The following SH3GL1 variants were observed in gnomAD, a reference collection of about 807,000 sequenced individuals.
The protein encoded by SH3GL1 is endophilin-A2.
SH3GL1 carries 21 observed loss-of-function variants against 48.8 expected under a neutral mutation model. The ratio of observed to expected loss-of-function variants is 0.43; its 90% CI spans 0.30 to 0.62. The LOEUF (loss-of-function observed/expected upper bound fraction) is 0.62, where lower values mean the gene tolerates loss of function less well. SH3GL1 is among the 20% of genes least tolerant of loss of function. The pLI is 0.11. For missense variants in SH3GL1, 454 were observed against 503.0 expected (o/e 0.90, Z 0.93); for synonymous variants, 282 against 217.5 (o/e 1.30, Z -2.61).
intron 1 of SH3GL1, among the ~76,000 whole-genome samples, chr19:4,370,488 G>A (rs243254): frequency 0.33 from 50,140 of 152,072 alleles, 8,828 homozygotes; most frequent in East Asian, 0.63. Flanking sequence ...GACTGAACCT[G>A]CATCAGGGTG....
intron 2 of SH3GL1, 77 bp downstream of exon 2, chr19:4,366,849 G>C (rs1599595052): frequency 6.9e-7 from 1 of 1,457,618 alleles, no homozygotes; most frequent in Non-Finnish European, 9.6e-7. Flanking sequence ...ATCAAGGTTG[G>C]CCGCCTCCAC....
intron 1 of SH3GL1, among the ~76,000 whole-genome samples, chr19:4,378,701 G>A (rs913185601): frequency 6.6e-6 from 1 of 152,000 alleles, no homozygotes; most frequent in African/African-American, 2.4e-5. Flanking sequence ...GGCAACAAGA[G>A]TAAAACTCTC....
In SH3GL1 at chr19:4,363,928, C is replaced by T. The variant is rs2144860224; in HGVS notation, c.466-50G>A. The T allele has an allele frequency of 5.0e-6, 8 of 1,610,108 alleles. No homozygotes were observed. In the East Asian group the frequency reaches 1.8e-4, roughly 36 times the overall value. On this transcript the variant is annotated intron_variant, in intron 5 of 9. Coordinates refer to ENST00000269886, the MANE Select transcript of SH3GL1 (RefSeq NM_003025.4). Reference sequence around the variant, plus strand: ...ACACCAGTAGCGGCCAGAGGGCCGCCCCACGCATGGCTTTGACCCACTGTC... The same window carrying T: ...ACACCAGTAGCGGCCAGAGGGCCGCTCCACGCATGGCTTTGACCCACTGTC...
chr19:4,379,715 G>A (rs182638782), intron 1 of SH3GL1, among the ~76,000 whole-genome samples: 3 of 152,154 alleles, frequency 2.0e-5, no homozygotes, highest in African/African-American at 2.4e-5. Context: ...TCCTGCCTTC[G>A]AGAACGTGCC....
At chr19:4,394,101 T>C (rs1973384868) in intron 1 of SH3GL1, among the ~76,000 whole-genome samples, 1 of 143,046 alleles carries the variant, frequency 7.0e-6, no homozygotes, top group Non-Finnish European at 1.5e-5. Context: ...CATTCAAATG[T>C]TCAAACCCTC....
chr19:4,397,978 C>T (rs1973454365), intron 1 of SH3GL1, among the ~76,000 whole-genome samples: 1 of 152,110 alleles, frequency 6.6e-6, no homozygotes, highest in Non-Finnish European at 1.5e-5. Flanking sequence ...TCCCAAGTAG[C>T]TGGGACTGCA....
chr19:4,364,611 AAT>A (rs924010072), intron 4 of SH3GL1: 6 of 261,528 alleles, frequency 2.3e-5, no homozygotes, highest in Admixed American at 1.5e-4. Context: ...TTGTATTTTT[AAT>A]AGAGACGGGG....
At chr19:4,370,475 G>A (rs372160204) in intron 1 of SH3GL1, among the ~76,000 whole-genome samples, 7 of 152,188 alleles carry the variant, frequency 4.6e-5, no homozygotes, top group African/African-American at 1.7e-4. Context: ...ACCACCCTCC[G>A]CTGACTGAAC....
intron 9 of SH3GL1, 43 bp downstream of exon 9, chr19:4,362,286 G>T: frequency 1.3e-6 from 2 of 1,591,368 alleles, no homozygotes; most frequent in South Asian, 1.1e-5. Flanking sequence ...CCGAATGGCC[G>T]AGAAGGCAGC....
intron 1 of SH3GL1, among the ~76,000 whole-genome samples, chr19:4,374,701 C>T: frequency 6.6e-6 from 1 of 152,240 alleles, no homozygotes; most frequent in South Asian, 2.1e-4. Context: ...GCCTTGCAGC[C>T]CGGCCTCTCC....
Position 4,360,464 on chromosome 19 carries a change from C to A in SH3GL1, c.*1136G>T. 1 of 235,084 alleles carries A rather than the reference C, an allele frequency of 4.3e-6. No individual in the cohort carries two copies. The highest frequency in any genetic ancestry group is 8.4e-6 in the Non-Finnish European group (1 of 119,246). The allele number at this position is 235,084 out of a possible 1,614,324, so 14.6% of individuals were successfully genotyped here. A position where few individuals can be genotyped will look rare whatever the true frequency, so the allele number is the denominator to read the frequency against. On this transcript the variant is annotated 3_prime_UTR_variant, in exon 10 of 10. Transcript: ENST00000269886. The stretch of plus-strand genomic sequence containing the variant: ...GCCCAAAGCTGTGTGCTCATCTCTG[C>A]GCCCCTCATGTACTTCTGACGAGGG...
chr19:4,361,523 G>T lies in SH3GL1; in HGVS notation c.*77C>A. On this transcript the variant is annotated 3_prime_UTR_variant, in exon 10 of 10. Transcript: ENST00000269886. The stretch of plus-strand genomic sequence containing the variant: ...CTCAGACACCGCCCTGGCAGCAGGG[G>T]CTCCGTGGAATGCAGGAGACCCAGC... 2 of 1,158,256 alleles carry T rather than the reference G, an allele frequency of 1.7e-6. No homozygotes were observed. The highest frequency in any genetic ancestry group is 2.5e-6 in the Non-Finnish European group (2 of 813,628). The allele number at this position is 1,158,256 out of a possible 1,614,324, so 71.7% of individuals were successfully genotyped here.
chr19:4,373,187 C>T (rs1214494231), intron 1 of SH3GL1, among the ~76,000 whole-genome samples: 1 of 152,210 alleles, frequency 6.6e-6, no homozygotes, highest in Admixed American at 6.5e-5. Flanking sequence ...CCAGGTGATC[C>T]TCATGGCCCG....
At position 4,400,198 on chromosome 19, in the gene SH3GL1, CAG is replaced by C; in HGVS notation, c.45+124_45+125del. On this transcript the variant is annotated intron_variant, in intron 1 of 9. Transcript: ENST00000269886. This position sits in a 1 kb window ranked among gnomAD's most constrained non-coding sequence, Gnocchi z 4.1. ...TCCGTCCCTTGGTCTTCCCACCTGG[CAG>C]GGGACACGCGCCAACGTCCCCACCT... The C allele has an allele frequency of 1.9e-6, 2 of 1,039,044 alleles. No homozygotes were observed. Among genetic ancestry groups the C allele is most frequent in the Non-Finnish European group, 2.7e-6 (2 of 736,024 alleles). The allele number at this position is 1,039,044 out of a possible 1,614,324, so 64.4% of individuals were successfully genotyped here.
At chr19:4,385,177 G>A (rs1012411760) in intron 1 of SH3GL1, among the ~76,000 whole-genome samples, 24 of 152,038 alleles carry the variant, frequency 1.6e-4, no homozygotes, top group African/African-American at 5.8e-4. Context: ...AGTGTGGACC[G>A]CCACACAACC....
At chr19:4,370,319 A>G (rs1006775587) in intron 1 of SH3GL1, among the ~76,000 whole-genome samples, 2 of 152,126 alleles carry the variant, frequency 1.3e-5, no homozygotes, top group Non-Finnish European at 2.9e-5. Flanking sequence ...AGTGCAGCGG[A>G]CTCAGCAGTG....
At chr19:4,370,956 T>G (rs1328975975) in intron 1 of SH3GL1, among the ~76,000 whole-genome samples, 1 of 152,252 alleles carries the variant, frequency 6.6e-6, no homozygotes, top group African/African-American at 2.4e-5. Context: ...AGCGGAGACC[T>G]GCCCACTCTA....
rs1261506094 is a variant in SH3GL1, at chr19:4,400,374, C to T, written c.-6G>A. 8 of 1,586,228 alleles carry T rather than the reference C, an allele frequency of 5.0e-6. No individual in the cohort carries two copies. In the Admixed American group the frequency reaches 8.6e-5, roughly 17 times the overall value. ...TTCAGCCCCGCCACCGACATGCTGC[C>T]GCCCGCCGCCGAGCCTCCCGCCCGG... On this transcript the variant is annotated 5_prime_UTR_variant, in exon 1 of 10. Coordinates refer to ENST00000269886, the MANE Select transcript of SH3GL1 (RefSeq NM_003025.4). The surrounding 1 kb of genome is among the most constrained non-coding windows in gnomAD (Gnocchi z 4.1).
intron 1 of SH3GL1, among the ~76,000 whole-genome samples, chr19:4,392,536 A>G (rs1002601676): frequency 3.3e-5 from 2 of 60,740 alleles, no homozygotes; most frequent in East Asian, 6.7e-4. Flanking sequence ...ACACACACAC[A>G]CACACACACA....
Sources: allele counts gnomAD v4.1 joint callset (sites outside exome capture counted in the v4.1 genomes callset), GRCh38; gene constraint gnomAD v4.1.1; non-coding constraint Gnocchi (gnomAD v3.1); transcripts MANE v1.5; gene names NCBI Gene and HGNC (gene_info 2026-07-23, HGNC 2026-07-21).